Variants in FAM149A observed in about 807,000 individuals in gnomAD.
FAM149A encodes the protein family with sequence similarity 149 member A.
FAM149A carries 71 observed loss-of-function variants against 78.2 expected under a neutral mutation model. That is an observed-to-expected ratio of 0.91 (90% CI 0.75 to 1.11). The LOEUF is 1.11. FAM149A is among the 50% of genes least tolerant of loss of function. The pLI, the probability that FAM149A is intolerant of heterozygous loss-of-function variation, is 0.00. For synonymous variants in FAM149A, 446 were observed against 410.5 expected (o/e 1.09, Z -1.04); for missense variants, 1,036 against 971.0 (o/e 1.07, Z -0.89).
chr4:186,139,431 C>T (rs777817061), intron 1 of FAM149A, among the ~76,000 whole-genome samples: 2 of 152,126 alleles, frequency 1.3e-5, no homozygotes, highest in Non-Finnish European at 2.9e-5. Flanking sequence ...GATTGCAAAG[C>T]CCTCGTGAGT....
chr4:186,144,831 C>G lies in FAM149A; in HGVS notation c.567-4342C>G. 2 of 981,430 alleles carry G rather than the reference C, an allele frequency of 2.0e-6. No homozygotes were observed. Among genetic ancestry groups the G allele is most frequent in the East Asian group, 1.2e-4 (1 of 8,496 alleles). 60.8% of individuals were successfully genotyped at this position (981,430 alleles called of 1,614,324 possible). ...GGAGGAGGAGGGGAGGCGGCGCCGG[C>G]GCGGGCGGGGCGGAGGATCTGGAGA... On this transcript the variant is annotated intron_variant, in intron 1 of 13. Transcript: ENST00000389354. The surrounding 1 kb of genome is among the most constrained non-coding windows in gnomAD (Gnocchi z 4.2).
Position 186,158,655 on chromosome 4 carries a change from T to G in FAM149A, c.1575+936T>G, listed in dbSNP as rs372109890. ...CACACACTGCCGCCCAGGTTGAGGG[T>G]GGAGACCCAGCCCCTGCACGCACTG... is the stretch of plus-strand genomic sequence containing the variant. On this transcript the variant is annotated intron_variant, in intron 8 of 13. Coordinates refer to ENST00000389354, the MANE Select transcript of FAM149A (RefSeq NM_001367768.3). 94 of 1,084,882 alleles carry G rather than the reference T, an allele frequency of 8.7e-5. 1 individual carries two copies. The East Asian group carries it at 5.9e-3, about 68-fold the overall frequency. 67.2% of individuals were successfully genotyped at this position (1,084,882 alleles called of 1,614,324 possible).
At chr4:186,124,042 T>C in intron 1 of FAM149A, 1 of 976,660 alleles carries the variant, frequency 1.0e-6, no homozygotes, top group Non-Finnish European at 1.2e-6. Context: ...AACTTGGTAG[T>C]GGGTGGCCAC....
chr4:186,174,694 G>A lies in FAM149A; in HGVS notation c.*2707G>A, dbSNP rs1362417466. Among the ~76,000 whole-genome samples the A allele has an allele frequency of 1.3e-4, 14 of 110,640 alleles. 4 individuals carry two copies. The highest frequency in any genetic ancestry group is 3.2e-4 in the Non-Finnish European group (14 of 44,032). 72.6% of individuals were successfully genotyped at this position (110,640 alleles called of 152,430 possible). On this transcript the variant is annotated 3_prime_UTR_variant, in exon 14 of 14. Transcript: ENST00000389354. ...AGTGCCATTTTAGAGATTACATAGA[G>A]ACTTGGCCCTGTCATTGATTTTAAA... is the stretch of plus-strand genomic sequence containing the variant.
chr4:186,157,762 G>C (rs759536751), intron 8 of FAM149A, 43 bp downstream of exon 8: 1 of 1,581,970 alleles, frequency 6.3e-7, no homozygotes, highest in South Asian at 1.2e-5. Context: ...TTCACTCTGT[G>C]TGTCTGTCAC....
chr4:186,127,175 T>C, intron 1 of FAM149A: 1 of 981,076 alleles, frequency 1.0e-6, no homozygotes. Flanking sequence ...TCTCGCCAAC[T>C]CCACCCTGAG....
At chr4:186,154,951 A>C in intron 6 of FAM149A, 22 of 980,868 alleles carry the variant, frequency 2.2e-5, no homozygotes, top group Non-Finnish European at 2.2e-5. Flanking sequence ...CCTCTGTACT[A>C]AATTCGTATT....
At chr4:186,136,976 T>TCTCTCTTTCTCTCTTTCTCTCTCTC (rs2099323291) in intron 1 of FAM149A, among the ~76,000 whole-genome samples, 1 of 72,094 alleles carries the variant, frequency 1.4e-5, no homozygotes, top group African/African-American at 6.2e-5. Context: ...CTCTCTCTCT[T>TCTCTCTTTCTCTCTTTCTCTCTCTC]TCTCTCTCTC....
At chr4:186,138,225 C>G (rs2099324308) in intron 1 of FAM149A, among the ~76,000 whole-genome samples, 1 of 149,748 alleles carries the variant, frequency 6.7e-6, no homozygotes, top group Admixed American at 6.7e-5. Context: ...GCAGATCAGA[C>G]AGGATGAGTT....
Position 186,149,265 on chromosome 4 carries a change from C to T in FAM149A, c.659C>T (p.Ala220Val). 3 of 1,288,486 alleles carry T rather than the reference C, an allele frequency of 2.3e-6. No individual in the cohort carries two copies. Among genetic ancestry groups the T allele is most frequent in the Admixed American group, 2.3e-5 (1 of 43,314 alleles). 79.8% of individuals were successfully genotyped at this position (1,288,486 alleles called of 1,614,324 possible). The change falls in exon 2 of 14, where the codon GCC (alanine) becomes GTC (valine). Residue 220 changes from alanine to valine, a missense_variant. Ala to Val is a moderately conservative substitution (Grantham distance 64). This residue lies in a region of FAM149A where 716 missense variants were observed against 711.8 expected (regional missense o/e 1.01). Coordinates refer to ENST00000389354, the MANE Select transcript of FAM149A (RefSeq NM_001367768.3). ...CATTTTACAAGAAATGTGCAGAAAGCCATTGATAAATATACCTGGTAAGAA... is the reference window on the plus strand; with the variant it reads ...CATTTTACAAGAAATGTGCAGAAAGTCATTGATAAATATACCTGGTAAGAA...
At chr4:186,147,036 G>T in intron 1 of FAM149A, 1 of 938,024 alleles carries the variant, frequency 1.1e-6, no homozygotes, top group Non-Finnish European at 1.3e-6. Context: ...TGCTATGGGA[G>T]GTCCAAAGAA....
At chr4:186,111,957 A>T (rs2150079806) in intron 1 of FAM149A, among the ~76,000 whole-genome samples, 1 of 151,550 alleles carries the variant, frequency 6.6e-6, no homozygotes, top group South Asian at 2.1e-4. Context: ...CTTTATGGGG[A>T]TGGCATTGAA....
chr4:186,105,352 G>A lies in FAM149A; in HGVS notation c.276G>A (p.Gly92=). ...CCAGCCGCGCCGCGGGAGCAGTGGG[G>A]ACCCTGCTCTCTTGGCCCAGTAGCC... Residue 92 remains glycine, a synonymous_variant, in exon 1 of 14, where the codon GGG becomes GGA. Transcript: ENST00000389354. 1 of 1,180,152 alleles carries A rather than the reference G, an allele frequency of 8.5e-7. No individual in the cohort carries two copies. Among genetic ancestry groups the A allele is most frequent in the Non-Finnish European group, 1.1e-6 (1 of 944,404 alleles). The allele number at this position is 1,180,152 out of a possible 1,614,324, so 73.1% of individuals were successfully genotyped here.
chr4:186,138,360 T>G (rs1456655906), intron 1 of FAM149A, among the ~76,000 whole-genome samples: 1 of 152,214 alleles, frequency 6.6e-6, no homozygotes, highest in Non-Finnish European at 1.5e-5. Context: ...CAGATTATTT[T>G]GGGGGTTACA....
Position 186,162,953 on chromosome 4 carries a change from G to A in FAM149A, c.1679+5G>A, listed in dbSNP as rs370171509. 52 of 1,564,912 alleles carry A rather than the reference G, an allele frequency of 3.3e-5. 1 individual carries two copies. Among genetic ancestry groups the A allele is most frequent in the Admixed American group, 8.5e-5 (5 of 59,014 alleles). Reference sequence around the variant, plus strand: ...CTATTTTGCTGACAGAACGCAGTACGTATCAGAATCAGTAGTAGTTACCCA... The same window carrying A: ...CTATTTTGCTGACAGAACGCAGTACATATCAGAATCAGTAGTAGTTACCCA... On this transcript the variant is annotated splice_donor_5th_base_variant and intron_variant, in intron 9 of 13. Transcript: ENST00000389354.
In FAM149A at chr4:186,158,018, G is replaced by A. The variant is rs377103377; in HGVS notation, c.1575+299G>A. 4 of 1,447,564 alleles carry A rather than the reference G, an allele frequency of 2.8e-6. No individual in the cohort carries two copies. The African/African-American group carries it at 4.2e-5, about 15-fold the overall frequency. The allele number at this position is 1,447,564 out of a possible 1,614,324, so 89.7% of individuals were successfully genotyped here. On this transcript the variant is annotated intron_variant, in intron 8 of 13. Coordinates refer to ENST00000389354, the MANE Select transcript of FAM149A (RefSeq NM_001367768.3). ...AGATGGAGCAGTATATCCACAAAAGGACGGACCAGCGATGGCATCTCTGTC... is the reference window on the plus strand; with the variant it reads ...AGATGGAGCAGTATATCCACAAAAGAACGGACCAGCGATGGCATCTCTGTC...
chr4:186,158,880 A>C, intron 8 of FAM149A: 1 of 800,832 alleles, frequency 1.2e-6, no homozygotes, highest in Non-Finnish European at 1.5e-6. Context: ...GCAAGATGGA[A>C]ATAAGGCCGA....
intron 1 of FAM149A, chr4:186,123,352 G>C: frequency 2.0e-6 from 2 of 985,470 alleles, no homozygotes; most frequent in Non-Finnish European, 2.4e-6. Flanking sequence ...ACCTTTATGA[G>C]ATGGGTGAAT....
chr4:186,158,306 C>T (rs1369588212), intron 8 of FAM149A: 2 of 1,216,640 alleles, frequency 1.6e-6, no homozygotes, highest in African/African-American at 3.2e-5. Flanking sequence ...TTGGCTAGCC[C>T]ACCTCCCATT....
Sources: allele counts gnomAD v4.1 joint callset (sites outside exome capture counted in the v4.1 genomes callset), GRCh38; gene constraint gnomAD v4.1.1; regional missense constraint gnomAD v4.1.1; non-coding constraint Gnocchi (gnomAD v3.1); transcripts MANE v1.5; gene names NCBI Gene and HGNC (gene_info 2026-07-23, HGNC 2026-07-21).